Variants in GLIS3 observed in about 807,000 individuals in gnomAD.
GLIS3 encodes zinc finger protein GLIS3.
A neutral mutation model predicts 78.6 loss-of-function variants in GLIS3; 53 were observed. That is an observed-to-expected ratio of 0.67 (90% CI 0.54 to 0.85). The LOEUF is 0.85. Among genes scored for constraint, GLIS3 ranks in the 40% least tolerant of loss-of-function variants. GLIS3 has a pLI of 0.00. For missense variants in GLIS3, 1,703 were observed against 1,231.1 expected (o/e 1.38, Z -5.74); for synonymous variants, 684 against 509.9 (o/e 1.34, Z -4.60).
At chr9:4,042,636 T>G (rs539219940) in intron 4 of GLIS3, among the ~76,000 whole-genome samples, 2 of 152,262 alleles carry the variant, frequency 1.3e-5, no homozygotes, top group African/African-American at 4.8e-5. Flanking sequence ...AGTTCCAGGT[T>G]GAAACATTTG....
chr9:3,971,501 G>A (rs1818379660), intron 4 of GLIS3, among the ~76,000 whole-genome samples: 2 of 152,176 alleles, frequency 1.3e-5, no homozygotes, highest in African/African-American at 4.8e-5. Context: ...ACAGGTTTGT[G>A]AGAAGAAGAG....
intron 2 of GLIS3, among the ~76,000 whole-genome samples, chr9:4,170,826 T>C (rs1816312411): frequency 1.3e-5 from 2 of 152,138 alleles, no homozygotes. Context: ...CCATTGTAAA[T>C]ACTAGTAAAA....
the GLIS3 span, among the ~76,000 whole-genome samples, chr9:4,387,048 C>G: frequency 1.3e-5 from 2 of 152,164 alleles, no homozygotes; most frequent in African/African-American, 4.8e-5. Flanking sequence ...GCATGATCAT[C>G]TGAAGCTTGA....
the GLIS3 span, among the ~76,000 whole-genome samples, chr9:4,490,164 C>T: frequency 2.0e-5 from 3 of 152,222 alleles, no homozygotes; most frequent in Non-Finnish European, 2.9e-5. Context: ...GCAGTGGCTC[C>T]GCCTCTCTGG....
chr9:4,107,928 T>A (rs950229883), intron 4 of GLIS3, among the ~76,000 whole-genome samples: 2 of 152,150 alleles, frequency 1.3e-5, no homozygotes, highest in African/African-American at 4.8e-5. Flanking sequence ...CCTCTACGTA[T>A]CCATCATCTA....
At chr9:4,044,019 A>G (rs1825045394) in intron 4 of GLIS3, among the ~76,000 whole-genome samples, 1 of 152,206 alleles carries the variant, frequency 6.6e-6, no homozygotes, top group East Asian at 1.9e-4. Flanking sequence ...AGCACAGGTA[A>G]GGGCCAAGAG....
At chr9:4,334,694 C>T (rs1378089122) in intron 2 of GLIS3, among the ~76,000 whole-genome samples, 1 of 152,140 alleles carries the variant, frequency 6.6e-6, no homozygotes, top group Non-Finnish European at 1.5e-5. Context: ...CTTATACTCC[C>T]TCAATCCACA....
intron 6 of GLIS3, among the ~76,000 whole-genome samples, chr9:3,912,817 G>C (rs971142733): frequency 1.3e-5 from 2 of 152,108 alleles, no homozygotes; most frequent in African/African-American, 4.8e-5. Context: ...ATTTCACTTT[G>C]CCATGAAAAA....
At chr9:4,077,572 G>A (rs1828184808) in intron 4 of GLIS3, among the ~76,000 whole-genome samples, 1 of 152,208 alleles carries the variant, frequency 6.6e-6, no homozygotes, top group African/African-American at 2.4e-5. Flanking sequence ...TGGGTTGGCC[G>A]TTAAGCTATT....
At chr9:4,057,217 C>A (rs1826224749) in intron 4 of GLIS3, among the ~76,000 whole-genome samples, 1 of 152,128 alleles carries the variant, frequency 6.6e-6, no homozygotes. Flanking sequence ...CCATCGGCCC[C>A]TACCCTTAGA....
intron 2 of GLIS3, among the ~76,000 whole-genome samples, chr9:4,206,443 T>C (rs77946246): frequency 0.043 from 6,611 of 152,246 alleles, 467 homozygotes; most frequent in African/African-American, 0.15. Context: ...CTGAAAGTCA[T>C]GATAATATAA....
At chr9:3,883,928 G>A (rs540931726) in intron 7 of GLIS3, among the ~76,000 whole-genome samples, 2 of 152,294 alleles carry the variant, frequency 1.3e-5, no homozygotes, top group East Asian at 3.9e-4. Flanking sequence ...CCAGCTACTG[G>A]CCTCCCTGCT....
intron 2 of GLIS3, among the ~76,000 whole-genome samples, chr9:4,198,318 A>T (rs536774635): frequency 6.6e-6 from 1 of 152,328 alleles, no homozygotes; most frequent in East Asian, 1.9e-4. Flanking sequence ...TTAATCATTA[A>T]TCTAATTCTA....
intron 2 of GLIS3, among the ~76,000 whole-genome samples, chr9:4,202,631 A>C (rs1247422873): frequency 1.3e-5 from 2 of 152,096 alleles, no homozygotes; most frequent in African/African-American, 4.8e-5. Context: ...ACACAGACCA[A>C]TGGAATAGAA....
At chr9:4,408,070 C>T in the GLIS3 span, among the ~76,000 whole-genome samples, 4 of 152,056 alleles carry the variant, frequency 2.6e-5, no homozygotes, top group African/African-American at 9.7e-5. Flanking sequence ...AAGGAGATAT[C>T]GTATGACCCC....
intron 4 of GLIS3, among the ~76,000 whole-genome samples, chr9:4,043,218 G>A (rs1451222068): frequency 6.6e-6 from 1 of 152,054 alleles, no homozygotes; most frequent in Non-Finnish European, 1.5e-5. Flanking sequence ...CACTTTCAGT[G>A]AGACTTTACG....
At chr9:3,871,308 G>A (rs1165798474) in intron 8 of GLIS3, among the ~76,000 whole-genome samples, 5 of 152,150 alleles carry the variant, frequency 3.3e-5, no homozygotes, top group Admixed American at 3.3e-4. Flanking sequence ...AGCTATTGGT[G>A]GATCTACCAT....
At chr9:4,079,783 C>A (rs1423575292) in intron 4 of GLIS3, among the ~76,000 whole-genome samples, 2 of 146,254 alleles carry the variant, frequency 1.4e-5, no homozygotes, top group African/African-American at 5.0e-5. Flanking sequence ...CTACCTGAAA[C>A]AGGTTGCTGT....
chr9:4,145,260 G>T (rs906320123), intron 2 of GLIS3: 1 of 152,184 alleles, frequency 6.6e-6, no homozygotes, highest in African/African-American at 2.4e-5. Context: ...TCCTTGTTAG[G>T]TAAGGTTTTT....
Sources: gnomAD v4.1 joint callset for allele counts (sites outside exome capture counted in the v4.1 genomes callset) on GRCh38, gnomAD v4.1.1 for gene constraint, MANE v1.5 for transcripts, NCBI Gene and HGNC (gene_info 2026-07-23, HGNC 2026-07-21) for gene names.